The following ALMS1 variants were observed in gnomAD, a reference collection of about 807,000 sequenced individuals.
ALMS1 encodes centrosome-associated protein ALMS1.
Under a neutral mutation model 352.2 loss-of-function variants are expected in ALMS1, and 271 were observed. The ratio of observed to expected loss-of-function variants is 0.77; its 90% confidence interval spans 0.70 to 0.85. The LOEUF (loss-of-function observed/expected upper bound fraction) is 0.85, where lower values mean the gene tolerates loss of function less well. Ranked by LOEUF, ALMS1 falls within the 40% of genes least tolerant of loss-of-function variation. The pLI is 0.00. For synonymous variants in ALMS1, 1,865 were observed against 1,761.2 expected (o/e 1.06, Z -1.48); for missense variants, 5,445 against 4,870.7 (o/e 1.12, Z -3.51).
rs1294252761 is a variant in ALMS1, at chr2:73,419,178, A to T, written c.506A>T (p.Asp169Val). Residue 169 changes from aspartate (D) to valine (V), a missense_variant, in exon 3 of 23, where the codon GAT becomes GTT. Asp to Val is a radical substitution (Grantham distance 152). Coordinates refer to ENST00000613296, the MANE Select transcript of ALMS1 (RefSeq NM_001378454.1). ...PQEMDSSQTLDTSQTRFNVRT... is the reference protein window; with the variant it reads ...PQEMDSSQTLVTSQTRFNVRT... The stretch of plus-strand genomic sequence containing the variant: ...GAAATGGACTCTTCCCAAACCTTGG[A>T]TACATCCCAGACTAGGTTTAATGTG... 1.2e-6 allele frequency: 2 copies of T among 1,614,084 alleles called. No individual in the cohort carries two copies. Among genetic ancestry groups the T allele is most frequent in the Admixed American group, 3.3e-5 (2 of 60,012 alleles).
chr2:73,563,856 AAAAT>A (rs1674721658), intron 15 of ALMS1, among the ~76,000 whole-genome samples: 1 of 152,106 alleles, frequency 6.6e-6, no homozygotes, highest in Non-Finnish European at 1.5e-5. Context: ...AGGGAGAAAA[AAAAT>A]AAAACAGACA....
In ALMS1 at chr2:73,454,005, T is replaced by C; in HGVS notation, c.7478T>C (p.Leu2493Pro). Reference protein sequence around the residue: ...VKNLLQCESSLNHAKEILRNA... With the variant: ...VKNLLQCESSPNHAKEILRNA... ...AACCTTCTGCAATGTGAATCCTCACTGAATCATGCTAAAGAAATACTCAGA... is the reference window on the plus strand; with the variant it reads ...AACCTTCTGCAATGTGAATCCTCACCGAATCATGCTAAAGAAATACTCAGA... Residue 2493 changes from leucine (L) to proline (P), a missense_variant, in exon 8 of 23, where the codon CTG (leucine) becomes CCG (proline). By Grantham distance (98) the Leu-to-Pro change is moderately conservative. Transcript: ENST00000613296. 6.2e-7 allele frequency: 1 copy of C among 1,613,788 alleles called. No homozygotes were observed. The highest frequency in any genetic ancestry group is 8.5e-7 in the Non-Finnish European group (1 of 1,179,912).
intron 10 of ALMS1, among the ~76,000 whole-genome samples, chr2:73,510,514 A>G (rs1475845269): frequency 2.0e-5 from 3 of 152,120 alleles, no homozygotes; most frequent in Non-Finnish European, 4.4e-5. Flanking sequence ...TCCACTCCAG[A>G]CCCTGTTTGC....
At chr2:73,420,268 C>G (rs1671258491) in intron 3 of ALMS1, among the ~76,000 whole-genome samples, 2 of 152,086 alleles carry the variant, frequency 1.3e-5, no homozygotes. Flanking sequence ...GGAAGGCAAT[C>G]CAGTAAACAG....
At chr2:73,484,541 A>G (rs2103874869) in intron 9 of ALMS1, among the ~76,000 whole-genome samples, 1 of 151,490 alleles carries the variant, frequency 6.6e-6, no homozygotes, top group Non-Finnish European at 1.5e-5. Flanking sequence ...TGAATCTGAC[A>G]ATTAATGTGT....
rs909009147 is a variant in ALMS1, at chr2:73,559,898, A to C, written c.10384+756A>C. ...AGTTAACTCAAAAAGGGTTAGTGAC[A>C]TACATGTAAGACCTTAAAACCATAA... On this transcript the variant is annotated intron_variant, in intron 15 of 22. Coordinates refer to ENST00000613296, the MANE Select transcript of ALMS1 (RefSeq NM_001378454.1). Among the ~76,000 whole-genome samples, 9 of 152,358 alleles carry C rather than the reference A, an allele frequency of 5.9e-5. 1 individual carries two copies. In the South Asian group the frequency reaches 1.7e-3, roughly 28 times the overall value.
At position 73,449,382 on chromosome 2, in the gene ALMS1, C is replaced by T; in HGVS notation, c.2855C>T (p.Ser952Phe). Residue 952 changes from serine (S) to phenylalanine (F), a missense_variant, in exon 8 of 23, where the codon TCT becomes TTT. Ser to Phe is a radical substitution (Grantham distance 155). Coordinates refer to ENST00000613296, the MANE Select transcript of ALMS1 (RefSeq NM_001378454.1). ...AQKTGTPTVS[S>F]NSHSHSEKSS... is the part of the protein sequence containing the mutation. The stretch of plus-strand genomic sequence containing the variant: ...AAGACTGGGACACCAACAGTGTCCT[C>T]TAATTCTCACTCACATAGCGAGAAA... 6.2e-7 allele frequency: 1 copy of T among 1,614,134 alleles called. No homozygotes were observed. Among genetic ancestry groups the T allele is most frequent in the African/African-American group, 1.3e-5 (1 of 75,052 alleles).
intron 11 of ALMS1, among the ~76,000 whole-genome samples, chr2:73,534,380 A>G (rs1336393247): frequency 2.6e-5 from 4 of 152,182 alleles, no homozygotes; most frequent in African/African-American, 9.6e-5. Context: ...TAAGACCAGT[A>G]TAAGGGCTTA....
intron 16 of ALMS1, among the ~76,000 whole-genome samples, chr2:73,584,440 A>G (rs1675264303): frequency 6.6e-6 from 1 of 152,138 alleles, no homozygotes; most frequent in African/African-American, 2.4e-5. Flanking sequence ...GTTTGACTAG[A>G]CTGTTAAATG....
chr2:73,449,718 T>C lies in ALMS1; in HGVS notation c.3191T>C (p.Leu1064Ser), dbSNP rs1446651877. Residue 1064 changes from leucine to serine, a missense_variant, in exon 8 of 23, where the codon TTA (leucine) becomes TCA (serine). Physicochemically the swap from Leu to Ser is moderately radical, Grantham distance 145. Transcript: ENST00000613296. ...EKPSVLYPQV[L>S]SDSHLPEESL... ...CCTAGTGTTTTGTACCCACAGGTGT[T>C]ATCAGACAGTCATCTACCTGAAGAG... The C allele has an allele frequency of 2.5e-6, 4 of 1,613,964 alleles. No homozygotes were observed. The highest frequency in any genetic ancestry group is 2.2e-5 in the East Asian group (1 of 44,890).
At chr2:73,588,708 T>G (rs2104154148) in intron 16 of ALMS1, among the ~76,000 whole-genome samples, 1 of 152,308 alleles carries the variant, frequency 6.6e-6, no homozygotes, top group South Asian at 2.1e-4. Context: ...CTCTCCTTAT[T>G]TATATTAGCT....
At chr2:73,508,438 C>T (rs891608842) in intron 10 of ALMS1, among the ~76,000 whole-genome samples, 1 of 152,082 alleles carries the variant, frequency 6.6e-6, no homozygotes, top group Non-Finnish European at 1.5e-5. Context: ...ATCTCCTGAC[C>T]TTGTGATCCA....
At chr2:73,524,939 G>T (rs1459869955) in intron 11 of ALMS1, among the ~76,000 whole-genome samples, 3 of 152,116 alleles carry the variant, frequency 2.0e-5, no homozygotes, top group Non-Finnish European at 4.4e-5. Flanking sequence ...GTGTGTCCAT[G>T]AATTCAGTTG....
intron 10 of ALMS1, among the ~76,000 whole-genome samples, chr2:73,508,388 G>T (rs1389031328): frequency 6.6e-6 from 1 of 151,640 alleles, no homozygotes. Context: ...TGTATTTTTA[G>T]TAGAGACAGG....
chr2:73,602,354 C>T lies in ALMS1; in HGVS notation c.12284C>T (p.Pro4095Leu), dbSNP rs750502331. 1.5e-5 allele frequency: 24 copies of T among 1,614,012 alleles called. No individual in the cohort carries two copies. The Admixed American group carries it at 2.5e-4, about 17-fold the overall frequency. Residue 4095 changes from proline (P) to leucine (L), a missense_variant, in exon 20 of 23, where the codon CCG becomes CTG. Pro to Leu is a moderately conservative substitution (Grantham distance 98). Coordinates refer to ENST00000613296, the MANE Select transcript of ALMS1 (RefSeq NM_001378454.1). ...CAGGGCCACCAGAATCGCATGTGCC[C>T]GCTGCCCAAGAGAGGTACGCCCTGC... The part of the protein sequence containing the change: ...ERQGHQNRMC[P>L]LPKRVFLAIQ...
rs1248541208 is a variant in ALMS1, at chr2:73,424,873, C to A, written c.1208C>A (p.Ser403Ter). 1 of 1,603,814 alleles carries A rather than the reference C, an allele frequency of 6.2e-7. No individual in the cohort carries two copies. Among genetic ancestry groups the A allele is most frequent in the Non-Finnish European group, 8.5e-7 (1 of 1,174,466 alleles). ...GGGCAGTATTGGACACAGGAAGATT[C>A]ATCTAAGCAGGCAGAAACATATTTA... ...SYGQYWTQED[S>*]SKQAETYLTK... Residue 403 changes from serine to a stop codon, truncating the protein, a stop_gained, in exon 5 of 23, where the codon TCA becomes TAA. Coordinates refer to ENST00000613296, the MANE Select transcript of ALMS1 (RefSeq NM_001378454.1). LOFTEE classifies it high-confidence loss of function.
chr2:73,554,722 G>T (rs1424122781), intron 13 of ALMS1, among the ~76,000 whole-genome samples: 1 of 152,040 alleles, frequency 6.6e-6, no homozygotes, highest in Non-Finnish European at 1.5e-5. Context: ...CCTCAGCATG[G>T]GGGAGATGGA....
intron 9 of ALMS1, among the ~76,000 whole-genome samples, chr2:73,477,286 A>G (rs1219753062): frequency 1.3e-5 from 2 of 152,076 alleles, no homozygotes; most frequent in Non-Finnish European, 2.9e-5. Flanking sequence ...CTGAAAATCA[A>G]TTTACCATAA....
chr2:73,546,086 T>A (rs1025164662), intron 12 of ALMS1, among the ~76,000 whole-genome samples: 2 of 152,210 alleles, frequency 1.3e-5, no homozygotes, highest in Non-Finnish European at 2.9e-5. Flanking sequence ...AGACACGATG[T>A]CAATTTCAAC....
Sources: gnomAD v4.1 joint callset for allele counts (sites outside exome capture counted in the v4.1 genomes callset) on GRCh38, gnomAD v4.1.1 for gene constraint, MANE v1.5 for transcripts, NCBI Gene and HGNC (gene_info 2026-07-23, HGNC 2026-07-21) for gene names.